The following DPP10 variants were observed in gnomAD, a reference collection of about 807,000 sequenced individuals.
DPP10 encodes the protein inactive dipeptidyl peptidase 10.
Under a neutral mutation model 120.9 loss-of-function variants are expected in DPP10, and 33 were observed. The ratio of observed to expected loss-of-function variants is 0.27; its 90% CI spans 0.21 to 0.37. The LOEUF (loss-of-function observed/expected upper bound fraction) is 0.37. DPP10 is among the 10% of genes least tolerant of loss of function. The pLI, the probability that DPP10 is intolerant of heterozygous loss-of-function variation, is 1.00. For missense variants in DPP10, 816 were observed against 942.8 expected, an observed-to-expected ratio of 0.87 and a Z score of 1.76; for synonymous variants, 337 against 326.1, an observed-to-expected ratio of 1.03 and a Z score of -0.36.
At chr2:115,005,039 T>C (rs1312608877) in intron 1 of DPP10, among the ~76,000 whole-genome samples, 1 of 151,746 alleles carries the variant, frequency 6.6e-6, no homozygotes, top group Non-Finnish European at 1.5e-5. Context: ...GCAGACTGCC[T>C]CCTCAAGTGG....
At chr2:114,464,819 C>T (rs552585587) in intron 1 of DPP10, among the ~76,000 whole-genome samples, 5 of 152,226 alleles carry the variant, frequency 3.3e-5, no homozygotes, top group African/African-American at 7.2e-5. Flanking sequence ...GAGCCGAGAT[C>T]GTGCCACTGC....
At chr2:114,492,316 A>G (rs951910457) in intron 1 of DPP10, among the ~76,000 whole-genome samples, 1 of 152,146 alleles carries the variant, frequency 6.6e-6, no homozygotes, top group Non-Finnish European at 1.5e-5. Context: ...ATTTCATGAG[A>G]TGTTAAAAGC....
At chr2:115,143,283 T>C (rs2051031034) in intron 1 of DPP10, among the ~76,000 whole-genome samples, 1 of 152,208 alleles carries the variant, frequency 6.6e-6, no homozygotes, top group African/African-American at 2.4e-5. Context: ...AGTCCATTGG[T>C]AGCCCATGGC....
At chr2:114,530,271 C>A (rs1346669223) in intron 1 of DPP10, among the ~76,000 whole-genome samples, 1 of 152,064 alleles carries the variant, frequency 6.6e-6, no homozygotes, top group South Asian at 2.1e-4. Flanking sequence ...TTATCTGTAA[C>A]AATTTGCACA....
At chr2:115,468,239 G>A (rs940474522) in intron 3 of DPP10, 5 of 504,276 alleles carry the variant, frequency 9.9e-6, no homozygotes, top group Admixed American at 2.0e-5. Context: ...TCTGCTGACC[G>A]CTCGTGTCAT....
chr2:115,339,906 A>G (rs574920484), intron 2 of DPP10, among the ~76,000 whole-genome samples: 1 of 152,286 alleles, frequency 6.6e-6, no homozygotes, highest in East Asian at 1.9e-4. Context: ...CGTAGAACTA[A>G]ACACGCAAGA....
chr2:114,558,006 T>C (rs1688460950), intron 1 of DPP10, among the ~76,000 whole-genome samples: 1 of 152,196 alleles, frequency 6.6e-6, no homozygotes, highest in East Asian at 1.9e-4. Context: ...AACATCTTTC[T>C]GAGTAATCTC....
At chr2:115,182,959 C>A (rs113789032) in intron 1 of DPP10, among the ~76,000 whole-genome samples, 1,942 of 152,266 alleles carry the variant, frequency 0.013, 29 homozygotes, top group Non-Finnish European at 0.02. Context: ...ACACCCACCC[C>A]ATGGACAACA....
chr2:115,184,695 A>G (rs2054309948), intron 1 of DPP10, among the ~76,000 whole-genome samples: 1 of 152,232 alleles, frequency 6.6e-6, no homozygotes, highest in Non-Finnish European at 1.5e-5. Context: ...TCTTTGCCCA[A>G]TACACCTTCA....
intron 1 of DPP10, among the ~76,000 whole-genome samples, chr2:114,575,672 G>C (rs538454171): frequency 6.6e-6 from 1 of 152,156 alleles, no homozygotes; most frequent in African/African-American, 2.4e-5. Context: ...CTGTTAATCC[G>C]CTACTATGTG....
chr2:115,067,723 C>G (rs962116817), intron 1 of DPP10, among the ~76,000 whole-genome samples: 40 of 148,482 alleles, frequency 2.7e-4, no homozygotes, highest in African/African-American at 9.3e-4. Context: ...ATTAGCCGGG[C>G]GTGGTGGCGG....
At chr2:115,192,008 A>T (rs894385180) in intron 1 of DPP10, among the ~76,000 whole-genome samples, 1 of 152,214 alleles carries the variant, frequency 6.6e-6, no homozygotes, top group Admixed American at 6.5e-5. Flanking sequence ...TTTGGGGAAC[A>T]GTTCAGACTC....
intron 1 of DPP10, among the ~76,000 whole-genome samples, chr2:115,172,230 G>T (rs530036136): frequency 2.0e-5 from 3 of 152,136 alleles, no homozygotes; most frequent in Non-Finnish European, 4.4e-5. Flanking sequence ...GGTAAGAAAG[G>T]CTTCTCCCCC....
intron 7 of DPP10, among the ~76,000 whole-genome samples, chr2:115,706,962 G>A (rs187564061): frequency 1.6e-3 from 247 of 151,942 alleles, no homozygotes; most frequent in Non-Finnish European, 2.8e-3. Context: ...TCCTCCTTAA[G>A]AACAACCAAA....
intron 9 of DPP10, among the ~76,000 whole-genome samples, chr2:115,741,637 A>G (rs1677289083): frequency 6.6e-6 from 1 of 152,290 alleles, no homozygotes; most frequent in African/African-American, 2.4e-5. Flanking sequence ...GCACTGCACA[A>G]AGGGAATACA....
At chr2:115,646,112 A>G (rs978871102) in intron 5 of DPP10, among the ~76,000 whole-genome samples, 4 of 145,136 alleles carry the variant, frequency 2.8e-5, no homozygotes, top group Non-Finnish European at 4.7e-5. Context: ...GTGCGCGCAC[A>G]CACACACACA....
chr2:114,787,509 C>G (rs953757423), intron 1 of DPP10, among the ~76,000 whole-genome samples: 2 of 152,134 alleles, frequency 1.3e-5, no homozygotes, highest in Admixed American at 1.3e-4. Context: ...GCTAATAAAC[C>G]AATGACTGCT....
intron 1 of DPP10, among the ~76,000 whole-genome samples, chr2:114,695,913 T>C (rs1371468878): frequency 6.6e-6 from 1 of 152,080 alleles, no homozygotes; most frequent in Non-Finnish European, 1.5e-5. Flanking sequence ...TAGCACCCTC[T>C]TATTTAATAT....
chr2:114,472,631 C>A (rs1191699245), intron 1 of DPP10, among the ~76,000 whole-genome samples: 1 of 152,164 alleles, frequency 6.6e-6, no homozygotes, highest in Non-Finnish European at 1.5e-5. Context: ...TCAGGGGACT[C>A]ACAGTCAGGA....
Sources: allele counts gnomAD v4.1 joint callset (sites outside exome capture counted in the v4.1 genomes callset), GRCh38; gene constraint gnomAD v4.1.1; transcripts MANE v1.5; gene names NCBI Gene and HGNC (gene_info 2026-07-23, HGNC 2026-07-21).